Variants in MYO9A observed in about 807,000 individuals in gnomAD.
MYO9A encodes the protein unconventional myosin-IXa.
In MYO9A, 103 loss-of-function variants were observed where a neutral mutation model predicts 293.3. The ratio of observed to expected loss-of-function variants is 0.35; its 90% CI spans 0.30 to 0.41. The LOEUF is 0.41. Ranked by LOEUF, MYO9A falls within the 10% of genes least tolerant of loss-of-function variation. The pLI is 1.00. For synonymous variants in MYO9A, 1,001 were observed against 1,035.7 expected, an observed-to-expected ratio of 0.97 and a Z score of 0.64; for missense variants, 2,685 against 3,033.0, an observed-to-expected ratio of 0.89 and a Z score of 2.69.
In MYO9A at chr15:71,899,683, T is replaced by C. The variant is rs368521304; in HGVS notation, c.3470+4A>G. On this transcript the variant is annotated splice_donor_region_variant and intron_variant, in intron 24 of 41. Transcript: ENST00000356056. ...AAAGCAATTATTATAGTAATAGAGATTACCTTTGTCTTGCTCTGAATCCTC... is the reference window on the plus strand; with the variant it reads ...AAAGCAATTATTATAGTAATAGAGACTACCTTTGTCTTGCTCTGAATCCTC... 5.3e-5 allele frequency: 85 copies of C among 1,604,228 alleles called. No homozygotes were observed. The African/African-American group carries it at 9.0e-4, about 17-fold the overall frequency.
chr15:71,983,534 T>C (rs1036515252), intron 11 of MYO9A, among the ~76,000 whole-genome samples: 3 of 137,620 alleles, frequency 2.2e-5, no homozygotes, highest in East Asian at 2.4e-4. Context: ...TGGAGTGCAA[T>C]AGCGTGATCT....
chr15:72,104,812 A>G (rs1388507367), intron 1 of MYO9A, among the ~76,000 whole-genome samples: 1 of 152,214 alleles, frequency 6.6e-6, no homozygotes, highest in Non-Finnish European at 1.5e-5. Flanking sequence ...TTAGAATCCT[A>G]TACATAATCT....
chr15:72,016,411 T>C (rs2077340642), intron 6 of MYO9A, among the ~76,000 whole-genome samples: 1 of 152,198 alleles, frequency 6.6e-6, no homozygotes, highest in Admixed American at 6.5e-5. Context: ...TGGAACTAAA[T>C]CACCACACAA....
At chr15:72,106,665 A>C (rs1208561434) in intron 1 of MYO9A, among the ~76,000 whole-genome samples, 1 of 152,076 alleles carries the variant, frequency 6.6e-6, no homozygotes, top group Non-Finnish European at 1.5e-5. Flanking sequence ...CAGCAGCGCA[A>C]TCACAGGTCA....
chr15:71,890,539 C>A (rs1204166698), intron 26 of MYO9A: 1 of 152,066 alleles, frequency 6.6e-6, no homozygotes, highest in Non-Finnish European at 1.5e-5. Flanking sequence ...GCAGAAAACG[C>A]CATTCTTCTT....
chr15:72,057,825 C>T (rs1480741557), intron 1 of MYO9A, among the ~76,000 whole-genome samples: 2 of 152,186 alleles, frequency 1.3e-5, no homozygotes, highest in Non-Finnish European at 2.9e-5. Context: ...CCAGTTGTGC[C>T]TCAAATAAGC....
chr15:72,115,525 T>C (rs1219353570), intron 1 of MYO9A, among the ~76,000 whole-genome samples: 1 of 152,126 alleles, frequency 6.6e-6, no homozygotes, highest in African/African-American at 2.4e-5. Context: ...TACAATAAAA[T>C]CACCAACTCA....
At chr15:71,897,205 C>G (rs1157874780) in intron 25 of MYO9A, 11 of 454,270 alleles carry the variant, frequency 2.4e-5, no homozygotes, top group Non-Finnish European at 3.5e-5. Flanking sequence ...CTGTACTGCC[C>G]TTCACAAATG....
chr15:72,100,047 G>C (rs1021941071), intron 1 of MYO9A, among the ~76,000 whole-genome samples: 1 of 151,404 alleles, frequency 6.6e-6, no homozygotes, highest in Non-Finnish European at 1.5e-5. Context: ...TCAGGAGTTT[G>C]AGACCAGCCT....
At chr15:71,971,603 G>A (rs199899651) in intron 12 of MYO9A, among the ~76,000 whole-genome samples, 212 of 141,604 alleles carry the variant, frequency 1.5e-3, no homozygotes, top group African/African-American at 4.5e-3. Context: ...GAAAAAAAAA[G>A]AAAAAAAAAA....
chr15:71,984,471 G>GT lies in MYO9A; in HGVS notation c.1723-6180dup, dbSNP rs981894998. ...TTTCAAATGTATGCTTGTTGGGTTT[G>GT]TTTTTTTGTTTTGACAGTTTTGGAA... On this transcript the variant is annotated intron_variant, in intron 11 of 41. Transcript: ENST00000356056. Among the ~76,000 whole-genome samples, 50 of 152,128 alleles carry GT rather than the reference G, an allele frequency of 3.3e-4. 1 individual carries two copies. The highest frequency in any genetic ancestry group is 2.9e-3 in the Admixed American group (45 of 15,282).
At chr15:72,115,038 A>G (rs12916039) in intron 1 of MYO9A, among the ~76,000 whole-genome samples, 2,070 of 152,286 alleles carry the variant, frequency 0.014, 22 homozygotes, top group East Asian at 0.025. Flanking sequence ...AGTTTACCCA[A>G]TTTCCCTCAG....
chr15:72,059,577 A>C (rs2078821231), intron 1 of MYO9A, among the ~76,000 whole-genome samples: 1 of 152,202 alleles, frequency 6.6e-6, no homozygotes, highest in African/African-American at 2.4e-5. Flanking sequence ...TTAAAAGTAA[A>C]ACTTACTAAA....
chr15:71,996,865 A>C (rs568841430), intron 9 of MYO9A, among the ~76,000 whole-genome samples: 23 of 152,144 alleles, frequency 1.5e-4, no homozygotes, highest in African/African-American at 2.7e-4. Context: ...CAAGTTCTAT[A>C]TAATTCCCTC....
chr15:71,831,996 G>A (rs1011035164), intron 39 of MYO9A, among the ~76,000 whole-genome samples: 2 of 152,182 alleles, frequency 1.3e-5, no homozygotes, highest in Admixed American at 1.3e-4. Flanking sequence ...TAAAAGAATG[G>A]CTGGGCACCG....
chr15:71,902,836 ATATCTGATTCAC>A, intron 22 of MYO9A, 93 bp downstream of exon 22: 1 of 915,438 alleles, frequency 1.1e-6, no homozygotes, highest in East Asian at 3.0e-5. Context: ...TTGTCTTCTG[ATATCTGATTCAC>A]TATCTTTTTA....
In MYO9A at chr15:71,826,664, C is replaced by T. The variant is rs896396657; in HGVS notation, c.7563G>A (p.Met2521Ile). The change falls in exon 42 of 42, where the codon ATG becomes ATA. Residue 2521 changes from methionine (M) to isoleucine (I), a missense_variant. This residue lies in a region of MYO9A where 350 missense variants were observed against 328.9 expected (regional missense o/e 1.06). Transcript: ENST00000356056. ...KTKETPEGTV[M>I]SGRRKTVDPD... ...GGTCCACAGTTTTTCTGCGGCCAGA[C>T]ATGACTGTCCCCTCTGGGGTCTCTT... is the stretch of plus-strand genomic sequence containing the variant. The T allele has an allele frequency of 1.2e-6, 2 of 1,613,920 alleles. No homozygotes were observed. The highest frequency in any genetic ancestry group is 8.5e-7 in the Non-Finnish European group (1 of 1,179,946).
At chr15:71,873,555 T>C (rs910962961) in intron 32 of MYO9A, among the ~76,000 whole-genome samples, 1 of 152,170 alleles carries the variant, frequency 6.6e-6, no homozygotes, top group Admixed American at 6.5e-5. Flanking sequence ...CAAATTACAC[T>C]CCTATTTGTA....
intron 12 of MYO9A, among the ~76,000 whole-genome samples, chr15:71,971,736 T>G (rs914578645): frequency 9.2e-5 from 14 of 151,606 alleles, no homozygotes; most frequent in Middle Eastern, 3.5e-3. Context: ...ACTAAGGATA[T>G]TATGAGATCT....
Sources: allele counts gnomAD v4.1 joint callset (sites outside exome capture counted in the v4.1 genomes callset), GRCh38; gene constraint gnomAD v4.1.1; regional missense constraint gnomAD v4.1.1; transcripts MANE v1.5; gene names NCBI Gene and HGNC (gene_info 2026-07-23, HGNC 2026-07-21).